PLXNA4: variants seen among roughly 807,000 people sequenced by gnomAD.
The protein encoded by PLXNA4 is plexin A4.
PLXNA4 carries 44 observed loss-of-function variants against 191.8 expected under a neutral mutation model. The ratio of observed to expected loss-of-function variants is 0.23; its 90% CI spans 0.18 to 0.29. PLXNA4 has a LOEUF of 0.29. Ranked by LOEUF, PLXNA4 falls within the 10% of genes least tolerant of loss-of-function variation. The pLI is 1.00. For synonymous variants in PLXNA4, 1,082 were observed against 1,009.5 expected, an observed-to-expected ratio of 1.07 and a Z score of -1.36; for missense variants, 1,800 against 2,488.8, an observed-to-expected ratio of 0.72 and a Z score of 5.89.
chr7:132,589,862 G>T (rs979478859), intron 2 of PLXNA4, among the ~76,000 whole-genome samples: 9 of 152,210 alleles, frequency 5.9e-5, no homozygotes. Context: ...CATCTGGACT[G>T]GGACTGGAAG....
intron 16 of PLXNA4, among the ~76,000 whole-genome samples, 155 bp from the exon 17 acceptor site, chr7:132,182,345 A>G (rs1796737032): frequency 6.6e-6 from 1 of 152,212 alleles, no homozygotes; most frequent in African/African-American, 2.4e-5. Flanking sequence ...ACTGCATAGT[A>G]ATAAGGATGA....
At chr7:132,439,249 C>A (rs564930813) in intron 3 of PLXNA4, among the ~76,000 whole-genome samples, 19 of 152,300 alleles carry the variant, frequency 1.2e-4, no homozygotes, top group African/African-American at 4.6e-4. Context: ...CTTGCTTGGG[C>A]TCTGCAACCA....
intron 9 of PLXNA4, among the ~76,000 whole-genome samples, chr7:132,222,572 G>A (rs956517271): frequency 5.9e-5 from 9 of 152,136 alleles, no homozygotes. Context: ...TGTGTGGTGT[G>A]TTAAAGGGGT....
intron 3 of PLXNA4, among the ~76,000 whole-genome samples, chr7:132,339,719 TTTTCCATC>T (rs1296845331): frequency 1.3e-5 from 2 of 152,216 alleles, no homozygotes; most frequent in Non-Finnish European, 2.9e-5. Flanking sequence ...TAGGCCTGAA[TTTTCCATC>T]TTTTTAGGTT....
intron 2 of PLXNA4, among the ~76,000 whole-genome samples, chr7:132,612,159 AT>A (rs1291126372): frequency 6.6e-6 from 1 of 152,212 alleles, no homozygotes; most frequent in African/African-American, 2.4e-5. Flanking sequence ...AGGATAGCAC[AT>A]GTCCGCTTAC....
intron 22 of PLXNA4, among the ~76,000 whole-genome samples, chr7:132,167,966 A>C (rs1044075601): frequency 9.2e-5 from 14 of 152,222 alleles, no homozygotes; most frequent in Non-Finnish European, 7.3e-5. Flanking sequence ...ATAAGGCCAG[A>C]GGATGGTCTA....
intron 10 of PLXNA4, among the ~76,000 whole-genome samples, chr7:132,206,418 G>A (rs1797617946): frequency 6.7e-6 from 1 of 148,496 alleles, no homozygotes; most frequent in African/African-American, 2.5e-5. Flanking sequence ...GTATACATAT[G>A]AGAACGCTTA....
chr7:132,415,607 G>T (rs1204906370), intron 3 of PLXNA4, among the ~76,000 whole-genome samples: 2 of 152,190 alleles, frequency 1.3e-5, no homozygotes, highest in African/African-American at 4.8e-5. Context: ...ATAGGAGATA[G>T]ATGGTGGAAA....
At chr7:132,176,982 C>T (rs1796490942) in intron 20 of PLXNA4, among the ~76,000 whole-genome samples, 1 of 151,380 alleles carries the variant, frequency 6.6e-6, no homozygotes. Context: ...AGTGTGCATG[C>T]ATGTGTGCAT....
At chr7:132,591,899 G>A (rs1254881514) in intron 2 of PLXNA4, among the ~76,000 whole-genome samples, 2 of 152,112 alleles carry the variant, frequency 1.3e-5, no homozygotes, top group Non-Finnish European at 2.9e-5. Flanking sequence ...CATCCTACAA[G>A]CAGTTCCCGG....
intron 1 of PLXNA4, among the ~76,000 whole-genome samples, chr7:132,530,261 G>A (rs910239797): frequency 6.6e-5 from 10 of 152,128 alleles, no homozygotes; most frequent in Non-Finnish European, 1.5e-4. Context: ...TAAACATGCA[G>A]TTTATGGAAT....
In PLXNA4 at chr7:132,639,084, T is replaced by A. The variant is rs563686963; in HGVS notation, c.-87+6844A>T. On this transcript the variant is annotated intron_variant, in intron 2 of 4. Transcript: ENST00000378539. ...TGCAGCATCTGGGTTATATCAAAGT[T>A]CACCATCCAAGGATGGACTGAGAAC... 1.4e-4 allele frequency among the ~76,000 whole-genome samples: 21 copies of A among 152,272 alleles called. No individual in the cohort carries two copies. The East Asian group carries it at 4.1e-3, about 29-fold the overall frequency.
chr7:132,545,942 A>T (rs1345102988), intron 1 of PLXNA4, among the ~76,000 whole-genome samples: 2 of 152,256 alleles, frequency 1.3e-5, no homozygotes, highest in African/African-American at 4.8e-5. Flanking sequence ...GAGGACCAGC[A>T]GTTGCCAACC....
chr7:132,191,144 G>A (rs1408634113), intron 14 of PLXNA4, among the ~76,000 whole-genome samples: 1 of 152,310 alleles, frequency 6.6e-6, no homozygotes, highest in East Asian at 1.9e-4. Flanking sequence ...GTTTTACAGG[G>A]AGGGGGAGCC....
intron 2 of PLXNA4, among the ~76,000 whole-genome samples, chr7:132,586,012 G>GT (rs1802499235): frequency 6.6e-6 from 1 of 152,180 alleles, no homozygotes; most frequent in Non-Finnish European, 1.5e-5. Context: ...TCAAGGAAAC[G>GT]TAAGAGAGAA....
intron 2 of PLXNA4, among the ~76,000 whole-genome samples, chr7:132,495,498 C>T (rs1345888484): frequency 2.0e-5 from 3 of 152,206 alleles, no homozygotes; most frequent in Non-Finnish European, 4.4e-5. Flanking sequence ...CCTCCAGCCA[C>T]CTATGTACCT....
At position 132,561,558 on chromosome 7, in the gene PLXNA4, T is replaced by TCTCCTCCTCCTTCTC. The variant is rs1563172748; in HGVS notation, c.-87+14863_-87+14864insGAGAAGGAGGAGGAG. Among the ~76,000 whole-genome samples, 82 of 70,550 alleles carry TCTCCTCCTCCTTCTC rather than the reference T, an allele frequency of 1.2e-3. 1 individual carries two copies. Among genetic ancestry groups the TCTCCTCCTCCTTCTC allele is most frequent in the African/African-American group, 5.2e-3 (79 of 15,120 alleles). The allele number at this position is 70,550 out of a possible 152,430, so 46.3% of individuals were successfully genotyped here. A position where few individuals can be genotyped will look rare whatever the true frequency, so the allele number is the denominator to read the frequency against. On this transcript the variant is annotated intron_variant, in intron 1 of 31. Transcript: ENST00000321063. ...TTCTCCTCCTCCTTCTCCTCCTCCT[T>TCTCCTCCTCCTTCTC]CTCCTCCTCCTTTCCCCTCCTCCTC... is the stretch of plus-strand genomic sequence containing the variant.
intron 2 of PLXNA4, among the ~76,000 whole-genome samples, chr7:132,636,003 C>G (rs1803598150): frequency 6.6e-6 from 1 of 152,178 alleles, no homozygotes. Context: ...AGGAGAAGCC[C>G]TCTCAACAGA....
chr7:132,582,574 A>G (rs1247686534), intron 2 of PLXNA4, among the ~76,000 whole-genome samples: 1 of 152,126 alleles, frequency 6.6e-6, no homozygotes, highest in Non-Finnish European at 1.5e-5. Context: ...GTGTTGAGAA[A>G]CTGAGCTACC....
Sources: gnomAD v4.1 joint callset for allele counts (sites outside exome capture counted in the v4.1 genomes callset) on GRCh38, gnomAD v4.1.1 for gene constraint, MANE v1.5 for transcripts, NCBI Gene and HGNC (gene_info 2026-07-23, HGNC 2026-07-21) for gene names.